ESYT3: variants seen among roughly 807,000 people sequenced by gnomAD.
ESYT3 encodes extended synaptotagmin 3.
In ESYT3, 101 loss-of-function variants were observed where a neutral mutation model predicts 111.5. The ratio of observed to expected loss-of-function variants is 0.91; its 90% CI spans 0.77 to 1.07. The LOEUF is 1.07. ESYT3 is among the 50% of genes least tolerant of loss of function. The probability of loss-of-function intolerance (pLI) is 0.00; values close to 1 mark genes in which losing one functional copy is unlikely to be tolerated. For synonymous variants in ESYT3, 416 were observed against 446.8 expected, an observed-to-expected ratio of 0.93 and a Z score of 0.87; for missense variants, 1,097 against 1,109.4, an observed-to-expected ratio of 0.99 and a Z score of 0.16.
At chr3:138,469,227 T>C in intron 14 of ESYT3, 1 of 598,700 alleles carries the variant, frequency 1.7e-6, no homozygotes, top group Non-Finnish European at 3.0e-6. Context: ...GTCTTTTAAC[T>C]TGGAACTGCT....
At chr3:138,448,590 T>G (rs572036767) in intron 1 of ESYT3, among the ~76,000 whole-genome samples, 20 of 152,174 alleles carry the variant, frequency 1.3e-4, no homozygotes, top group Non-Finnish European at 2.5e-4. Context: ...GACCTAAACG[T>G]GAAAGCCAAC....
intron 18 of ESYT3, chr3:138,473,090 G>T (rs2033315645): frequency 7.1e-7 from 1 of 1,403,550 alleles, no homozygotes; most frequent in African/African-American, 1.4e-5. Context: ...CTGGACTCTG[G>T]TTGGTAAGGT....
rs1296664328 is a variant in ESYT3, at chr3:138,440,097, A to T, written c.327+4972A>T. On this transcript the variant is annotated intron_variant, in intron 1 of 22. Transcript: ENST00000389567. This position sits in a 1 kb window ranked among gnomAD's most constrained non-coding sequence, Gnocchi z 4.2. ...GCTGTAGGGTCTGCCATCATTAACC[A>T]GTCCCGAGCCTGCTTTTCTCTGGTG... is the stretch of plus-strand genomic sequence containing the variant. 6.6e-6 allele frequency among the ~76,000 whole-genome samples: 1 copy of T among 152,198 alleles called. No homozygotes were observed. Among genetic ancestry groups the T allele is most frequent in the Non-Finnish European group, 1.5e-5 (1 of 68,030 alleles).
chr3:138,461,491 A>T lies in ESYT3; in HGVS notation c.795-595A>T, dbSNP rs532764648. Among the ~76,000 whole-genome samples, 81 of 152,178 alleles carry T rather than the reference A, an allele frequency of 5.3e-4. 3 individuals are homozygous for T. Among genetic ancestry groups the T allele is most frequent in the South Asian group, 2.9e-3 (14 of 4,814 alleles). On this transcript the variant is annotated intron_variant, in intron 7 of 22. Transcript: ENST00000389567. ...GGGCTGGCACCAGCTGGCTCATCAG[A>T]CTCAGGGGAGGGCTGCTGACTCGCT...
intron 3 of ESYT3, among the ~76,000 whole-genome samples, chr3:138,456,601 T>A (rs1239411159): frequency 6.6e-6 from 1 of 152,160 alleles, no homozygotes; most frequent in Non-Finnish European, 1.5e-5. Flanking sequence ...GAGCTCCGCC[T>A]CCTGTCAGAT....
intron 16 of ESYT3, 21 bp downstream of exon 16, chr3:138,470,167 TTGAAA>T (rs750357813): frequency 6.2e-7 from 1 of 1,608,214 alleles, no homozygotes; most frequent in South Asian, 1.1e-5. Context: ...AGAAGGGCTC[TTGAAA>T]CAGAGTTAAG....
In ESYT3 at chr3:138,462,203, CT is replaced by C; in HGVS notation, c.913del (p.Cys305ValfsTer3). ...TGACCAACCTGCGCTTCCCTCTGCCCTGTGTGAGTACCCAGTACTAGCCACA... is the reference window on the plus strand; with the variant it reads ...TGACCAACCTGCGCTTCCCTCTGCCCGTGTGAGTACCCAGTACTAGCCACA... ...DLTNLRFPLP[C>X]GVIRVHLLEA... On this transcript the variant is annotated frameshift_variant and splice_region_variant, in exon 8 of 23. Transcript: ENST00000389567. LOFTEE classifies it high-confidence loss of function. The C allele has an allele frequency of 6.2e-7, 1 of 1,614,218 alleles. No individual in the cohort carries two copies. The highest frequency in any genetic ancestry group is 8.5e-7 in the Non-Finnish European group (1 of 1,180,034).
In ESYT3 at chr3:138,470,588, G is replaced by T. The variant is rs890459096; in HGVS notation, c.1591-289G>T. ...GGGATCTTTTAGGGCCCTGAGCCCT[G>T]CCTGGAGAGCAGCACAGCTCATCAG... On this transcript the variant is annotated intron_variant, in intron 16 of 22. Transcript: ENST00000389567. 32 of 1,195,076 alleles carry T rather than the reference G, an allele frequency of 2.7e-5. No homozygotes were observed. In the African/African-American group the frequency reaches 4.4e-4, roughly 17 times the overall value. The allele number at this position is 1,195,076 out of a possible 1,614,324, so 74.0% of individuals were successfully genotyped here.
At chr3:138,455,046 G>C (rs1211289526) in intron 2 of ESYT3, 148 bp from the exon 3 acceptor site, 1 of 801,872 alleles carries the variant, frequency 1.2e-6, no homozygotes. Context: ...TGAGCAGATG[G>C]GTGGGCAGGC....
chr3:138,441,159 G>T (rs796416115), intron 1 of ESYT3, among the ~76,000 whole-genome samples: 17 of 152,328 alleles, frequency 1.1e-4, no homozygotes, highest in African/African-American at 4.1e-4. Flanking sequence ...CACAGGTTAG[G>T]TCAGTTGAGC....
chr3:138,467,980 T>G, intron 11 of ESYT3, 125 bp from the exon 12 acceptor site: 1 of 781,224 alleles, frequency 1.3e-6, no homozygotes, highest in Non-Finnish European at 2.1e-6. Flanking sequence ...GGTCCACCTT[T>G]TCCCATACTA....
At chr3:138,465,811 A>G (rs1284712038) in intron 10 of ESYT3, among the ~76,000 whole-genome samples, 2 of 152,178 alleles carry the variant, frequency 1.3e-5, no homozygotes, top group Non-Finnish European at 1.5e-5. Context: ...CTTCAGGGGT[A>G]TGAGAGGACT....
intron 1 of ESYT3, among the ~76,000 whole-genome samples, chr3:138,448,693 G>C (rs1180686064): frequency 2.6e-5 from 4 of 152,176 alleles, no homozygotes; most frequent in Non-Finnish European, 4.4e-5. Context: ...AAAATAGATT[G>C]ATCTGTCGAT....
chr3:138,466,393 G>T (rs2032929873), intron 10 of ESYT3, among the ~76,000 whole-genome samples: 1 of 152,188 alleles, frequency 6.6e-6, no homozygotes, highest in East Asian at 1.9e-4. Context: ...GAATCTATGT[G>T]TATTATTAGC....
rs780274681 is a variant in ESYT3 at position 138,472,402 on chromosome 3, A to G, written c.1780A>G (p.Thr594Ala). Residue 594 changes from threonine (T) to alanine (A), a missense_variant, in exon 18 of 23, where the codon ACA becomes GCA. Thr to Ala is a moderately conservative substitution (Grantham distance 58, BLOSUM62 0). Coordinates refer to ENST00000389567, the MANE Select transcript of ESYT3 (RefSeq NM_031913.5). ...VEERELGSPY[T>A]GPEALKKGPL... ...GGAACGAGAGCTGGGGAGCCCATAC[A>G]CAGGACCTGAAGCCCTAAAGAAAGG... 6.2e-7 allele frequency: 1 copy of G among 1,614,012 alleles called. No homozygotes were observed. Among genetic ancestry groups the G allele is most frequent in the Non-Finnish European group, 8.5e-7 (1 of 1,180,020 alleles).
chr3:138,452,128 G>T, intron 2 of ESYT3, 39 bp downstream of exon 2: 1 of 1,597,646 alleles, frequency 6.3e-7, no homozygotes. Context: ...CCGGACGCAT[G>T]CCAGCCTCGT....
In ESYT3 at chr3:138,468,878, CAG is replaced by C; in HGVS notation, c.1434_1434+1del. The C allele has an allele frequency of 6.2e-7, 1 of 1,614,182 alleles. No homozygotes were observed. Among genetic ancestry groups the C allele is most frequent in the Non-Finnish European group, 8.5e-7 (1 of 1,180,026 alleles). On this transcript the variant is annotated frameshift_variant and splice_region_variant, in exon 14 of 23. Transcript: ENST00000389567. LOFTEE classifies it high-confidence loss of function. ...YRAKKLSRFA[R>X]NKVSKDPSSY... ...GAGCCAAAAAACTCTCCAGGTTTGC[CAG>C]AGTGAGTGAGTATGTGGCTAAAAAC...
rs1441454698 is a variant in ESYT3, at chr3:138,477,216, G to C, written c.*362G>C. The C allele has an allele frequency of 5.9e-6, 1 of 169,340 alleles. No individual in the cohort carries two copies. Among genetic ancestry groups the C allele is most frequent in the Non-Finnish European group, 1.3e-5 (1 of 79,710 alleles). 10.5% of individuals were successfully genotyped at this position (169,340 alleles called of 1,614,324 possible). ...TGATTTAGGACTTACCTGAATGTAT[G>C]TACCAGAAAGTGTCCTGCCTCTGGC... On this transcript the variant is annotated 3_prime_UTR_variant, in exon 23 of 23. Transcript: ENST00000389567.
intron 1 of ESYT3, among the ~76,000 whole-genome samples, chr3:138,447,877 AT>A (rs60644648): frequency 2.4e-4 from 36 of 150,012 alleles, no homozygotes; most frequent in African/African-American, 4.4e-4. Context: ...TCTCAGGAGG[AT>A]TTTTTTTTTG....
Sources: gnomAD v4.1 joint callset for allele counts (sites outside exome capture counted in the v4.1 genomes callset) on GRCh38, gnomAD v4.1.1 for gene constraint, Gnocchi (gnomAD v3.1) non-coding constraint, MANE v1.5 for transcripts, NCBI Gene and HGNC (gene_info 2026-07-23, HGNC 2026-07-21) for gene names.